The following CCDC148 variants were observed in gnomAD, a reference collection of about 807,000 sequenced individuals.
The protein encoded by CCDC148 is coiled-coil domain-containing protein 148.
A neutral mutation model predicts 85.7 loss-of-function variants in CCDC148; 89 were observed. That is an observed-to-expected ratio of 1.04 (90% CI 0.87 to 1.24). The LOEUF (loss-of-function observed/expected upper bound fraction) is 1.24, where lower values mean the gene tolerates loss of function less well. Among genes scored for constraint, CCDC148 ranks in the 50% most tolerant of loss-of-function variants. The probability of loss-of-function intolerance (pLI) is 0.00; values close to 1 mark genes in which losing one functional copy is unlikely to be tolerated. For synonymous variants in CCDC148, 230 were observed against 213.9 expected (o/e 1.08, Z -0.66); for missense variants, 692 against 671.7 (o/e 1.03, Z -0.33).
At chr2:158,347,146 C>T (rs1480076758) in intron 2 of CCDC148, among the ~76,000 whole-genome samples, 2 of 152,098 alleles carry the variant, frequency 1.3e-5, no homozygotes, top group African/African-American at 4.8e-5. Flanking sequence ...CAGCCATTTA[C>T]CATACACAGT....
intron 8 of CCDC148, among the ~76,000 whole-genome samples, chr2:158,312,343 G>T (rs567553004): frequency 1.7e-4 from 26 of 151,790 alleles, no homozygotes; most frequent in African/African-American, 2.4e-4. Flanking sequence ...AAATGTATTG[G>T]GAGGCCGAGG....
At chr2:158,451,696 GGATA>G in intron 1 of CCDC148, among the ~76,000 whole-genome samples, 1 of 151,632 alleles carries the variant, frequency 6.6e-6, no homozygotes, top group Middle Eastern at 3.4e-3. Flanking sequence ...GGAGAGTAGG[GGATA>G]GAGACACCGC....
rs375620508 is a variant in CCDC148, at chr2:158,302,526, T to C, written c.1110+6907A>G. ...GAGGGCCGGGAGCGGTGGCTCACAC[T>C]GGTAATCCCAGGACTTTGGGAGGCT... On this transcript the variant is annotated intron_variant, in intron 9 of 13. Coordinates refer to ENST00000283233, the MANE Select transcript of CCDC148 (RefSeq NM_138803.4). Among the ~76,000 whole-genome samples the C allele has an allele frequency of 5.9e-5, 9 of 152,162 alleles. No individual in the cohort carries two copies. In the South Asian group the frequency reaches 1.7e-3, roughly 28 times the overall value.
chr2:158,237,305 G>A (rs938131764), intron 10 of CCDC148, among the ~76,000 whole-genome samples: 1 of 152,144 alleles, frequency 6.6e-6, no homozygotes, highest in Non-Finnish European at 1.5e-5. Flanking sequence ...GGAAGTCATT[G>A]ACGTGTTTTC....
intron 9 of CCDC148, among the ~76,000 whole-genome samples, chr2:158,286,318 T>C (rs1047346986): frequency 2.6e-5 from 4 of 152,178 alleles, no homozygotes; most frequent in African/African-American, 4.8e-5. Context: ...TTTATTCTTT[T>C]ACTTTCTTAA....
chr2:158,275,681 G>A (rs1197463033), intron 9 of CCDC148, among the ~76,000 whole-genome samples: 1 of 150,252 alleles, frequency 6.7e-6, no homozygotes, highest in Non-Finnish European at 1.5e-5. Flanking sequence ...GTTGCAGTTG[G>A]TTATATTTAT....
At chr2:158,273,545 T>C (rs1689793208) in intron 9 of CCDC148, among the ~76,000 whole-genome samples, 1 of 152,130 alleles carries the variant, frequency 6.6e-6, no homozygotes, top group African/African-American at 2.4e-5. Flanking sequence ...TCTCCTACTA[T>C]GCATCCACTA....
At chr2:158,353,162 C>A (rs1177901238) in intron 2 of CCDC148, among the ~76,000 whole-genome samples, 2 of 140,714 alleles carry the variant, frequency 1.4e-5, no homozygotes, top group Non-Finnish European at 3.1e-5. Flanking sequence ...GAAGAAACTG[C>A]ATCAACTAAC....
At chr2:158,373,494 C>T (rs7558029) in intron 1 of CCDC148, among the ~76,000 whole-genome samples, 26,963 of 151,924 alleles carry the variant, frequency 0.18, 3,919 homozygotes, top group African/African-American at 0.4. Context: ...GTGCTGTTGC[C>T]TCTCTGACCA....
chr2:158,286,617 A>T (rs530951724), intron 9 of CCDC148, among the ~76,000 whole-genome samples: 23 of 152,306 alleles, frequency 1.5e-4, no homozygotes, highest in Admixed American at 3.3e-4. Context: ...AAGCTATAAT[A>T]TCTAAGGTAG....
chr2:158,419,840 T>C (rs1459613912), intron 1 of CCDC148: 1 of 152,146 alleles, frequency 6.6e-6, no homozygotes, highest in South Asian at 2.1e-4. Flanking sequence ...AGCTGAAATA[T>C]TTTGAAAGTA....
chr2:158,454,330 G>A (rs1013094859), intron 1 of CCDC148, among the ~76,000 whole-genome samples: 12 of 152,204 alleles, frequency 7.9e-5, no homozygotes, highest in African/African-American at 2.9e-4. Flanking sequence ...CTTTGGAGGA[G>A]AGGGTGTAAC....
intron 10 of CCDC148, among the ~76,000 whole-genome samples, chr2:158,230,272 T>C (rs74434995): frequency 0.019 from 2,853 of 152,322 alleles, 35 homozygotes; most frequent in East Asian, 0.068. Context: ...ACATGCTGTA[T>C]TAACCTCTAA....
chr2:158,421,231 A>C lies in CCDC148; in HGVS notation c.25+35184T>G, dbSNP rs530087977. Among the ~76,000 whole-genome samples, 14 of 152,324 alleles carry C rather than the reference A, an allele frequency of 9.2e-5. No individual in the cohort carries two copies. The East Asian group carries it at 2.7e-3, about 29-fold the overall frequency. On this transcript the variant is annotated intron_variant, in intron 1 of 13. Transcript: ENST00000283233. ...AGGAATTGAACTCAGCTCTGCACCA[A>C]GCAGACATAATAGACATCTACAGAA...
intron 1 of CCDC148, among the ~76,000 whole-genome samples, chr2:158,368,441 C>T (rs1338395803): frequency 2.0e-5 from 3 of 151,968 alleles, no homozygotes; most frequent in Non-Finnish European, 2.9e-5. Context: ...CCACATCAGC[C>T]TGTTGTTAAA....
chr2:158,334,598 C>T (rs75279381), intron 7 of CCDC148, among the ~76,000 whole-genome samples: 8,524 of 125,814 alleles, frequency 0.068, 512 homozygotes, highest in African/African-American at 0.17. Flanking sequence ...GTCACTGAGT[C>T]GAATAGAATG....
chr2:158,280,555 TC>T (rs1559040008), intron 9 of CCDC148, among the ~76,000 whole-genome samples: 1 of 152,110 alleles, frequency 6.6e-6, no homozygotes, highest in African/African-American at 2.4e-5. Flanking sequence ...GGTAAAGGGA[TC>T]AATTCAACAA....
chr2:158,415,028 C>A (rs1686433081), intron 1 of CCDC148, among the ~76,000 whole-genome samples: 1 of 151,824 alleles, frequency 6.6e-6, no homozygotes, highest in African/African-American at 2.4e-5. Context: ...TATTACTTAC[C>A]AAACTCAAGG....
At chr2:158,418,035 T>A (rs185131314) in intron 1 of CCDC148, among the ~76,000 whole-genome samples, 156 of 151,832 alleles carry the variant, frequency 1.0e-3, no homozygotes, top group East Asian at 3.7e-3. Context: ...ATTATTTTTT[T>A]AAAAAATCAA....
Sources: gnomAD v4.1 joint callset for allele counts (sites outside exome capture counted in the v4.1 genomes callset) on GRCh38, gnomAD v4.1.1 for gene constraint, MANE v1.5 for transcripts, NCBI Gene and HGNC (gene_info 2026-07-23, HGNC 2026-07-21) for gene names.